Variants in DMRT1 observed in about 807,000 individuals in gnomAD.
DMRT1 encodes doublesex and mab-3 related transcription factor 1, also known as doublesex- and mab-3-related transcription factor 1.
Under a neutral mutation model 32.3 loss-of-function variants are expected in DMRT1, and 7 were observed. The observed-to-expected ratio is 0.22, with a 90% CI of 0.12 to 0.41. The LOEUF (loss-of-function observed/expected upper bound fraction) is 0.41. Ranked by LOEUF, DMRT1 falls within the 10% of genes least tolerant of loss-of-function variation. The pLI is 1.00. For synonymous variants in DMRT1, 278 were observed against 206.1 expected, an observed-to-expected ratio of 1.35 and a Z score of -2.99; for missense variants, 625 against 500.5, an observed-to-expected ratio of 1.25 and a Z score of -2.37.
At chr9:862,953 A>G (rs532221962) in intron 2 of DMRT1, among the ~76,000 whole-genome samples, 27 of 152,014 alleles carry the variant, frequency 1.8e-4, no homozygotes, top group Admixed American at 3.3e-4. Flanking sequence ...TTGAGTCAAG[A>G]GTCTTGAGAT....
chr9:945,482 A>G (rs1359218995), intron 4 of DMRT1, among the ~76,000 whole-genome samples: 1 of 152,170 alleles, frequency 6.6e-6, no homozygotes, highest in Non-Finnish European at 1.5e-5. Context: ...AATAATTTCC[A>G]ATCAGCCATT....
chr9:906,302 G>C (rs1361313947), intron 3 of DMRT1, among the ~76,000 whole-genome samples: 1 of 152,186 alleles, frequency 6.6e-6, no homozygotes, highest in Non-Finnish European at 1.5e-5. Context: ...GCCCCAGACA[G>C]CCTCACGTTG....
At chr9:857,200 G>C (rs1028935533) in intron 2 of DMRT1, among the ~76,000 whole-genome samples, 1 of 152,086 alleles carries the variant, frequency 6.6e-6, no homozygotes, top group African/African-American at 2.4e-5. Flanking sequence ...CCAGCTACTC[G>C]GGAGGCAGAG....
intron 4 of DMRT1, among the ~76,000 whole-genome samples, chr9:946,580 C>G (rs1564269507): frequency 6.6e-6 from 1 of 152,168 alleles, no homozygotes; most frequent in Non-Finnish European, 1.5e-5. Flanking sequence ...ACACTGAATC[C>G]CAATCAATCT....
chr9:897,744 C>T (rs945165037), intron 3 of DMRT1, among the ~76,000 whole-genome samples: 2 of 151,748 alleles, frequency 1.3e-5, no homozygotes, highest in African/African-American at 4.8e-5. Context: ...CCTAAAAAAT[C>T]TATTGAGTTC....
chr9:862,891 G>A (rs997338833), intron 2 of DMRT1, among the ~76,000 whole-genome samples: 18 of 152,054 alleles, frequency 1.2e-4, no homozygotes, highest in Admixed American at 2.6e-4. Context: ...CCTAATCCCT[G>A]CAACCTGTGA....
intron 2 of DMRT1, among the ~76,000 whole-genome samples, chr9:877,658 T>C (rs1368790979): frequency 1.3e-5 from 2 of 152,214 alleles, no homozygotes; most frequent in African/African-American, 4.8e-5. Context: ...GAATTTAAGA[T>C]GTAAAGTTTC....
At chr9:905,773 T>G (rs1817753527) in intron 3 of DMRT1, among the ~76,000 whole-genome samples, 1 of 151,974 alleles carries the variant, frequency 6.6e-6, no homozygotes, top group Non-Finnish European at 1.5e-5. Flanking sequence ...AACACAGCCT[T>G]TCCGGGCTGT....
intron 3 of DMRT1, among the ~76,000 whole-genome samples, chr9:907,811 C>A (rs1402322131): frequency 1.4e-5 from 2 of 143,984 alleles, no homozygotes; most frequent in Non-Finnish European, 3.0e-5. Flanking sequence ...CAATTCCATA[C>A]AGTTCTCTAA....
At chr9:920,516 G>A (rs1818319458) in intron 4 of DMRT1, among the ~76,000 whole-genome samples, 1 of 152,162 alleles carries the variant, frequency 6.6e-6, no homozygotes, top group South Asian at 2.1e-4. Flanking sequence ...ACTTTGGTGG[G>A]AGGTGAGAAC....
intron 2 of DMRT1, among the ~76,000 whole-genome samples, chr9:865,556 A>G (rs1815943520): frequency 6.6e-6 from 1 of 152,200 alleles, no homozygotes; most frequent in Admixed American, 6.5e-5. Context: ...TCAGATATTA[A>G]TAGGAGGAGC....
At position 848,200 on chromosome 9, in the gene DMRT1, T is replaced by G. The variant is rs145602892; in HGVS notation, c.538+1057T>G. ...TTTGCTGGGCTTAAGCACTGTGTAC[T>G]AAAGTCACACAACTATATATTATTA... On this transcript the variant is annotated intron_variant, in intron 2 of 4. Coordinates refer to ENST00000382276, the MANE Select transcript of DMRT1 (RefSeq NM_021951.3). Among the ~76,000 whole-genome samples, 227 of 152,362 alleles carry G rather than the reference T, an allele frequency of 1.5e-3. 2 individuals are homozygous for G. Among genetic ancestry groups the G allele is most frequent in the Non-Finnish European group, 2.7e-3 (183 of 68,034 alleles).
intron 4 of DMRT1, among the ~76,000 whole-genome samples, chr9:948,040 T>C (rs545482406): frequency 6.6e-6 from 1 of 152,308 alleles, no homozygotes; most frequent in Non-Finnish European, 1.5e-5. Context: ...TTTCTCCACC[T>C]TGACTTCATG....
intron 4 of DMRT1, among the ~76,000 whole-genome samples, chr9:957,054 G>A (rs1165601901): frequency 6.6e-6 from 1 of 152,166 alleles, no homozygotes; most frequent in Non-Finnish European, 1.5e-5. Context: ...TGTCACCCAG[G>A]TACTGAGCAT....
At chr9:864,743 G>C (rs368018126) in intron 2 of DMRT1, among the ~76,000 whole-genome samples, 9 of 151,806 alleles carry the variant, frequency 5.9e-5, no homozygotes, top group African/African-American at 2.2e-4. Context: ...CTTGCGATCC[G>C]CCCACCTCGG....
chr9:842,269 C>T (rs1461137711), intron 1 of DMRT1, 77 bp downstream of exon 1: 27 of 1,471,114 alleles, frequency 1.8e-5, no homozygotes, highest in Middle Eastern at 2.4e-4. Context: ...GAGTCTCGCT[C>T]GGTTGCCCAG....
Position 894,802 on chromosome 9 carries a change from TG to T in DMRT1, c.822+608del, listed in dbSNP as rs894444576. ...CATTCTCCAAGTTTGTTTTTTTTTTTGTTTGTTTGTTTGTTTTGGTTTGGTT... is the reference window on the plus strand; with the variant it reads ...CATTCTCCAAGTTTGTTTTTTTTTTTTTTGTTTGTTTGTTTTGGTTTGGTT... On this transcript the variant is annotated intron_variant, in intron 3 of 4. Coordinates refer to ENST00000382276, the MANE Select transcript of DMRT1 (RefSeq NM_021951.3). 2.8e-3 allele frequency: 444 copies of T among 159,540 alleles called. 6 individuals are homozygous for T. The highest frequency in any genetic ancestry group is 9.7e-3 in the African/African-American group (402 of 41,396). The allele number at this position is 159,540 out of a possible 1,614,324, so 9.9% of individuals were successfully genotyped here.
In DMRT1 at chr9:841,821, A is replaced by G; in HGVS notation, c.-18A>G. 6.2e-7 allele frequency: 1 copy of G among 1,602,408 alleles called. No individual in the cohort carries two copies. Among genetic ancestry groups the G allele is most frequent in the East Asian group, 2.3e-5 (1 of 44,426 alleles). ...CGAGAGAGGGGGCCAGAGTGCTCGC[A>G]CTTCTCCTAGGGGCACCATGCCCAA... On this transcript the variant is annotated 5_prime_UTR_variant, in exon 1 of 5. Transcript: ENST00000382276.
chr9:952,175 G>A (rs1162257651), intron 4 of DMRT1, among the ~76,000 whole-genome samples: 4 of 152,190 alleles, frequency 2.6e-5, no homozygotes, highest in African/African-American at 9.6e-5. Flanking sequence ...TTCATTCACA[G>A]CCATATCCCC....
Sources: allele counts gnomAD v4.1 joint callset (sites outside exome capture counted in the v4.1 genomes callset), GRCh38; gene constraint gnomAD v4.1.1; transcripts MANE v1.5; gene names NCBI Gene and HGNC (gene_info 2026-07-23, HGNC 2026-07-21).